Variants in COL4A5 observed in about 807,000 individuals in gnomAD.
COL4A5 encodes the protein collagen type IV alpha 5 chain, also known as collagen alpha-5(IV) chain.
Under a neutral mutation model 130.2 loss-of-function variants are expected in COL4A5, and 26 were observed. The ratio of observed to expected loss-of-function variants is 0.20; its 90% CI spans 0.15 to 0.28. The LOEUF is 0.28. Among genes scored for constraint, COL4A5 ranks in the 10% least tolerant of loss-of-function variants. The pLI is 1.00. For synonymous variants in COL4A5, 496 were observed against 439.6 expected (o/e 1.13, Z -1.60); for missense variants, 1,131 against 1,344.3 (o/e 0.84, Z 2.48).
intron 1 of COL4A5, among the ~76,000 whole-genome samples, chrX:108,527,774 G>A (rs185189893): frequency 7.9e-4 from 88 of 111,922 alleles, no homozygotes; most frequent in Non-Finnish European, 1.2e-3. Context: ...ATCCACCACC[G>A]TGGGCCCCAG....
chrX:108,538,764 A>G (rs777868725), intron 1 of COL4A5, among the ~76,000 whole-genome samples: 6 of 112,228 alleles, frequency 5.3e-5, no homozygotes, highest in Non-Finnish European at 9.4e-5. Context: ...CTATCCATGT[A>G]TATTAAACTA....
At chrX:108,605,098 T>C (rs1472205954) in intron 28 of COL4A5, among the ~76,000 whole-genome samples, 1 of 112,210 alleles carries the variant, frequency 8.9e-6, no homozygotes, top group East Asian at 2.8e-4. Flanking sequence ...TTCACTGGAG[T>C]AGCACTTTTA....
chrX:108,520,099 T>C (rs185529995), intron 1 of COL4A5, among the ~76,000 whole-genome samples: 72 of 111,768 alleles, frequency 6.4e-4, no homozygotes, highest in Non-Finnish European at 1.2e-3. Flanking sequence ...TCTGTATTCA[T>C]TGGTAAGATT....
At chrX:108,536,095 A>G (rs2065453037) in intron 1 of COL4A5, among the ~76,000 whole-genome samples, 1 of 111,688 alleles carries the variant, frequency 9.0e-6, no homozygotes, top group African/African-American at 3.2e-5. Context: ...ACCCTAATTC[A>G]TACAGAATTT....
chrX:108,579,480 A>C (rs188760263), intron 13 of COL4A5, among the ~76,000 whole-genome samples: 1 of 112,330 alleles, frequency 8.9e-6, no homozygotes, highest in Admixed American at 9.4e-5. Context: ...CCATTCATGT[A>C]TAAAATTAGG....
At chrX:108,600,655 TAG>T (rs2066611493) in intron 25 of COL4A5, among the ~76,000 whole-genome samples, 1 of 105,999 alleles carries the variant, frequency 9.4e-6, no homozygotes, top group Admixed American at 1.0e-4. Context: ...GATAGATAGA[TAG>T]ATAGATAGAT....
At chrX:108,477,145 T>A (rs1001742734) in intron 1 of COL4A5, among the ~76,000 whole-genome samples, 1 of 111,578 alleles carries the variant, frequency 9.0e-6, no homozygotes, top group African/African-American at 3.3e-5. Context: ...CAAATGTTAA[T>A]CTCTTTTGGT....
rs748377603 is a variant in COL4A5 at position 108,501,777 on chromosome X, T to C, written c.82-37969T>C. Among the ~76,000 whole-genome samples the C allele has an allele frequency of 2.7e-5, 3 of 112,260 alleles. No homozygotes were observed. In the South Asian group the frequency reaches 1.1e-3, roughly 42 times the overall value. ...GAACATTTCATGTCTTAGTGCTTTT[T>C]GTAATGTGGGAATTTGGCAGTTTGA... On this transcript the variant is annotated intron_variant, in intron 1 of 52. Coordinates refer to ENST00000328300, the MANE Select transcript of COL4A5 (RefSeq NM_033380.3).
chrX:108,476,519 C>CTTTTTTTTT (rs55972915), intron 1 of COL4A5, among the ~76,000 whole-genome samples: 2 of 55,863 alleles, frequency 3.6e-5, no homozygotes, highest in African/African-American at 6.5e-5. Flanking sequence ...TCTAACTGTT[C>CTTTTTTTTT]TTTTTTTTTT....
At chrX:108,643,862 A>G (rs148269439) in intron 36 of COL4A5, among the ~76,000 whole-genome samples, 1,645 of 112,173 alleles carry the variant, frequency 0.015, 26 homozygotes, top group African/African-American at 0.051. Flanking sequence ...AACAAATAGC[A>G]TGATGAATGC....
rs920686487 is a variant in COL4A5, at chrX:108,696,479, G to A, written c.*101G>A. The A allele has an allele frequency of 4.7e-5, 28 of 594,264 alleles. No homozygotes were observed. Among genetic ancestry groups the A allele is most frequent in the African/African-American group, 4.5e-4 (20 of 44,001 alleles). 49.0% of individuals were successfully genotyped at this position (594,264 alleles called of 1,213,427 possible). ...TGTCCCCAACTTTACTACTGCTGCC[G>A]TCAATGGTGCTACTATATATGATCA... On this transcript the variant is annotated 3_prime_UTR_variant, in exon 53 of 53. Coordinates refer to ENST00000328300, the MANE Select transcript of COL4A5 (RefSeq NM_033380.3).
chrX:108,603,202 T>A, intron 28 of COL4A5, 141 bp downstream of exon 28: 1 of 361,263 alleles, frequency 2.8e-6, no homozygotes, highest in Admixed American at 4.8e-5. Context: ...TATATTTCCA[T>A]TAAAAAAATA....
At chrX:108,510,671 C>G (rs1033942841) in intron 1 of COL4A5, among the ~76,000 whole-genome samples, 3 of 110,973 alleles carry the variant, frequency 2.7e-5, no homozygotes, top group Non-Finnish European at 5.7e-5. Context: ...ATAATAGATA[C>G]CATTCTATTG....
At chrX:108,479,320 G>A (rs2064866434) in intron 1 of COL4A5, among the ~76,000 whole-genome samples, 1 of 112,393 alleles carries the variant, frequency 8.9e-6, no homozygotes, top group Non-Finnish European at 1.9e-5. Context: ...TCCAGCCAAA[G>A]CATTGGCTAC....
intron 1 of COL4A5, among the ~76,000 whole-genome samples, chrX:108,446,619 G>A (rs965875957): frequency 8.1e-5 from 9 of 111,604 alleles, no homozygotes; most frequent in Non-Finnish European, 1.3e-4. Flanking sequence ...TATATACAAG[G>A]AATCAGAAGC....
At chrX:108,550,772 A>G (rs183112257) in intron 2 of COL4A5, among the ~76,000 whole-genome samples, 1 of 112,106 alleles carries the variant, frequency 8.9e-6, no homozygotes, top group African/African-American at 3.2e-5. Flanking sequence ...CAATGTAGAA[A>G]ATGTTATGAC....
chrX:108,577,635 A>G (rs1244914689), intron 10 of COL4A5, among the ~76,000 whole-genome samples: 3 of 111,401 alleles, frequency 2.7e-5, no homozygotes, highest in Non-Finnish European at 5.6e-5. Flanking sequence ...AAGTTTACCT[A>G]TAATTCTGAT....
intron 2 of COL4A5, among the ~76,000 whole-genome samples, chrX:108,551,615 A>G (rs189660637): frequency 7.9e-4 from 89 of 112,335 alleles, no homozygotes; most frequent in Middle Eastern, 4.6e-3. Context: ...CAGTTTGGAG[A>G]TTCTTTAATC....
chrX:108,534,912 C>T (rs1439329897), intron 1 of COL4A5, among the ~76,000 whole-genome samples: 2 of 110,589 alleles, frequency 1.8e-5, no homozygotes, highest in Non-Finnish European at 3.8e-5. Context: ...TCTTTATTCC[C>T]TCTCTCACCT....
Sources: allele counts gnomAD v4.1 joint callset (sites outside exome capture counted in the v4.1 genomes callset), GRCh38; gene constraint gnomAD v4.1.1; transcripts MANE v1.5; gene names NCBI Gene and HGNC (gene_info 2026-07-23, HGNC 2026-07-21).